POMP: variants seen among roughly 807,000 people sequenced by gnomAD.
POMP encodes proteasome maturation protein.
POMP carries 12 observed loss-of-function variants against 20.6 expected under a neutral mutation model. The ratio of observed to expected loss-of-function variants is 0.58; its 90% CI spans 0.37 to 0.94. The LOEUF is 0.94. Ranked by LOEUF, POMP falls within the 40% of genes least tolerant of loss-of-function variation. POMP has a pLI of 0.01. For synonymous variants in POMP, 53 were observed against 55.0 expected (o/e 0.96, Z 0.16); for missense variants, 136 against 161.1 (o/e 0.84, Z 0.84).
chr13:28,671,203 TA>T (rs1884539715), intron 4 of POMP, among the ~76,000 whole-genome samples: 1 of 152,214 alleles, frequency 6.6e-6, no homozygotes, highest in Admixed American at 6.5e-5. Context: ...CTACTAGTCT[TA>T]AGAACTTGAG....
chr13:28,659,278 T>TGGCGGC (rs1005299683), intron 1 of POMP, 91 bp downstream of exon 1: 8 of 1,530,282 alleles, frequency 5.2e-6, no homozygotes, highest in East Asian at 2.5e-5. Flanking sequence ...CCGTCCCCGG[T>TGGCGGC]GGCGGCGGCG....
chr13:28,662,609 G>T, intron 2 of POMP, 102 bp downstream of exon 2: 2 of 969,892 alleles, frequency 2.1e-6, no homozygotes, highest in Non-Finnish European at 3.3e-6. Flanking sequence ...TTAGTTGGCA[G>T]ATGGCAAGTA....
At chr13:28,677,984 G>A (rs746761433) in intron 5 of POMP, 51 bp from the exon 6 acceptor site, 2 of 1,533,458 alleles carry the variant, frequency 1.3e-6, no homozygotes, top group Non-Finnish European at 9.0e-7. Flanking sequence ...ATCATTGAAT[G>A]TATCTCTTTT....
intron 1 of POMP, among the ~76,000 whole-genome samples, chr13:28,660,759 G>T (rs952674728): frequency 2.0e-5 from 3 of 152,158 alleles, no homozygotes; most frequent in African/African-American, 7.2e-5. Context: ...TATTATGCAG[G>T]TTCTTTAGGT....
intron 4 of POMP, among the ~76,000 whole-genome samples, chr13:28,671,316 CAT>C (rs1362025266): frequency 3.3e-5 from 5 of 152,154 alleles, no homozygotes; most frequent in Non-Finnish European, 4.4e-5. Context: ...AATGAAATCA[CAT>C]GTTTGGCACA....
At chr13:28,662,291 G>A (rs1884356470) in intron 1 of POMP, 119 bp from the exon 2 acceptor site, 1 of 688,066 alleles carries the variant, frequency 1.5e-6, no homozygotes, top group Admixed American at 2.5e-5. Context: ...GTCTAGTCTG[G>A]ACTTTTTGAG....
chr13:28,677,993 T>A, intron 5 of POMP, 42 bp from the exon 6 acceptor site: 1 of 1,581,792 alleles, frequency 6.3e-7, no homozygotes, highest in Non-Finnish European at 8.7e-7. Flanking sequence ...TGTATCTCTT[T>A]TTTGAGAGTC....
chr13:28,676,117 G>A (rs1884623582), intron 5 of POMP, among the ~76,000 whole-genome samples: 1 of 152,042 alleles, frequency 6.6e-6, no homozygotes, highest in Non-Finnish European at 1.5e-5. Context: ...CGATTCTCCT[G>A]CCTCAGACTC....
chr13:28,672,915 T>C (rs1884574243), intron 5 of POMP, among the ~76,000 whole-genome samples: 1 of 152,172 alleles, frequency 6.6e-6, no homozygotes, highest in Non-Finnish European at 1.5e-5. Flanking sequence ...ATTGTTGGGA[T>C]GTGACTGGTG....
intron 4 of POMP, 92 bp from the exon 5 acceptor site, chr13:28,672,247 A>G: frequency 1.1e-5 from 12 of 1,088,306 alleles, no homozygotes; most frequent in Non-Finnish European, 1.7e-5. Context: ...GAATTTTCAA[A>G]CAAAGAATAA....
chr13:28,672,112 G>T (rs1566110098), intron 4 of POMP, among the ~76,000 whole-genome samples: 1 of 152,184 alleles, frequency 6.6e-6, no homozygotes, highest in Non-Finnish European at 1.5e-5. Flanking sequence ...CAAAATACAT[G>T]CACACCAGGT....
At chr13:28,667,595 A>G (rs1306278759) in intron 3 of POMP, among the ~76,000 whole-genome samples, 2 of 152,204 alleles carry the variant, frequency 1.3e-5, no homozygotes, top group African/African-American at 4.8e-5. Flanking sequence ...TCATATCCCA[A>G]GTAGGTGCTA....
chr13:28,673,547 G>C (rs982340802), intron 5 of POMP, among the ~76,000 whole-genome samples: 1 of 152,146 alleles, frequency 6.6e-6, no homozygotes, highest in African/African-American at 2.4e-5. Flanking sequence ...ATATCCAACA[G>C]GATTAAGTTT....
chr13:28,675,386 G>T lies in POMP; in HGVS notation c.359-2649G>T, dbSNP rs149770574. ...ATTCCTGACCTCCGGTAGTCTGCCC[G>T]CCTCAGCCTCCCAAAGTGCTGGGAT... On this transcript the variant is annotated intron_variant, in intron 5 of 5. Transcript: ENST00000380842. Among the ~76,000 whole-genome samples the T allele has an allele frequency of 2.0e-5, 3 of 152,102 alleles. No individual in the cohort carries two copies. The East Asian group carries it at 5.8e-4, about 29-fold the overall frequency.
chr13:28,661,849 G>A (rs1177580872), intron 1 of POMP, among the ~76,000 whole-genome samples: 1 of 151,814 alleles, frequency 6.6e-6, no homozygotes, highest in African/African-American at 2.4e-5. Context: ...TTTCTGTGTT[G>A]TTTTTCCTTG....
Position 28,664,584 on chromosome 13 carries a change from A to C in POMP, c.162+15A>C. ...CAGAAAAAAATGTAAGTATATTATT[A>C]TGTCCTTATTTTTATCTTCTAATAG... is the stretch of plus-strand genomic sequence containing the variant. On this transcript the variant is annotated intron_variant, in intron 3 of 5. Coordinates refer to ENST00000380842, the MANE Select transcript of POMP (RefSeq NM_015932.6). 7.1e-7 allele frequency: 1 copy of C among 1,408,170 alleles called. No homozygotes were observed. The highest frequency in any genetic ancestry group is 1.0e-6 in the Non-Finnish European group (1 of 1,003,096). 87.2% of individuals were successfully genotyped at this position (1,408,170 alleles called of 1,614,324 possible). A position where few individuals can be genotyped will look rare whatever the true frequency, so the allele number is the denominator to read the frequency against.
intron 4 of POMP, among the ~76,000 whole-genome samples, chr13:28,669,922 A>G (rs540801535): frequency 1.3e-5 from 2 of 152,218 alleles, no homozygotes; most frequent in East Asian, 3.9e-4. Context: ...CCTGGGCAAC[A>G]TGGCAAAACC....
intron 2 of POMP, among the ~76,000 whole-genome samples, chr13:28,663,046 A>G (rs958128859): frequency 2.0e-5 from 3 of 152,178 alleles, no homozygotes; most frequent in Non-Finnish European, 2.9e-5. Flanking sequence ...AATATTTTAA[A>G]TGGTACCTGA....
At chr13:28,671,930 A>G (rs1319500072) in intron 4 of POMP, among the ~76,000 whole-genome samples, 1 of 152,046 alleles carries the variant, frequency 6.6e-6, no homozygotes, top group South Asian at 2.1e-4. Flanking sequence ...TAGTGGGAGG[A>G]TCACTAGAGC....
Sources: gnomAD v4.1 joint callset for allele counts (sites outside exome capture counted in the v4.1 genomes callset) on GRCh38, gnomAD v4.1.1 for gene constraint, MANE v1.5 for transcripts, NCBI Gene and HGNC (gene_info 2026-07-23, HGNC 2026-07-21) for gene names.